SYNPO2: variants seen among roughly 807,000 people sequenced by gnomAD.
The protein encoded by SYNPO2 is synaptopodin-2.
In SYNPO2, 56 loss-of-function variants were observed where a neutral mutation model predicts 85.0. The observed-to-expected ratio is 0.66, with a 90% CI of 0.53 to 0.82. The LOEUF is 0.82. SYNPO2 is among the 40% of genes least tolerant of loss of function. SYNPO2 has a pLI of 0.00. For missense variants in SYNPO2, 1,575 were observed against 1,534.2 expected (o/e 1.03, Z -0.44); for synonymous variants, 602 against 591.1 (o/e 1.02, Z -0.27).
rs991659950 is a variant in SYNPO2 at position 119,029,293 on chromosome 4, G to A, written c.1070-552G>A. Among the ~76,000 whole-genome samples the A allele has an allele frequency of 9.9e-5, 15 of 150,866 alleles. 1 individual carries two copies. The highest frequency in any genetic ancestry group is 1.3e-4 in the Non-Finnish European group (9 of 67,714). On this transcript the variant is annotated intron_variant, in intron 3 of 4. Coordinates refer to ENST00000307142, the MANE Select transcript of SYNPO2 (RefSeq NM_133477.3). ...TGGAAAGATTTGGGGTGGTTGTCAG[G>A]GTAAAAAAAGAAAAAAGAGAAAGAA... is the stretch of plus-strand genomic sequence containing the variant.
chr4:119,007,378 T>C (rs1296281577), intron 1 of SYNPO2, among the ~76,000 whole-genome samples: 1 of 143,108 alleles, frequency 7.0e-6, no homozygotes, highest in Non-Finnish European at 1.5e-5. Flanking sequence ...AAAAAGATCA[T>C]CCTGAAATGT....
chr4:119,040,428 T>C (rs368236284), intron 4 of SYNPO2, among the ~76,000 whole-genome samples: 1 of 152,242 alleles, frequency 6.6e-6, no homozygotes, highest in Admixed American at 6.5e-5. Flanking sequence ...CATTCCTCTG[T>C]ATTCAGCCTG....
chr4:118,973,462 G>A (rs545627653), intron 1 of SYNPO2, among the ~76,000 whole-genome samples: 1 of 151,928 alleles, frequency 6.6e-6, no homozygotes, highest in Non-Finnish European at 1.5e-5. Context: ...GGCAGTTTTC[G>A]TTTCTGTGAT....
intron 1 of SYNPO2, among the ~76,000 whole-genome samples, chr4:118,899,670 T>G (rs540334191): frequency 6.6e-6 from 1 of 152,372 alleles, no homozygotes; most frequent in African/African-American, 2.4e-5. Context: ...ATTTTCATTT[T>G]CTCTGATGTC....
chr4:118,968,134 C>T (rs1303129610), intron 1 of SYNPO2, among the ~76,000 whole-genome samples: 1 of 152,116 alleles, frequency 6.6e-6, no homozygotes, highest in East Asian at 1.9e-4. Flanking sequence ...TGAAAAACCA[C>T]AAGATGTAGA....
intron 1 of SYNPO2, among the ~76,000 whole-genome samples, chr4:118,879,107 C>G (rs931444280): frequency 6.6e-6 from 1 of 152,124 alleles, no homozygotes; most frequent in East Asian, 1.9e-4. Context: ...CTGAAGTGAA[C>G]AAGACCACAG....
chr4:118,868,464 A>G (rs1444651883), intron 1 of SYNPO2, among the ~76,000 whole-genome samples: 1 of 152,176 alleles, frequency 6.6e-6, no homozygotes, highest in Non-Finnish European at 1.5e-5. Flanking sequence ...AGAACAGATT[A>G]CTTTTTCAAA....
intron 1 of SYNPO2, among the ~76,000 whole-genome samples, chr4:118,952,001 A>C (rs1734716918): frequency 6.6e-6 from 1 of 152,186 alleles, no homozygotes; most frequent in Non-Finnish European, 1.5e-5. Flanking sequence ...CTTAAAAGGG[A>C]CTGACCTGAG....
Position 119,030,878 on chromosome 4 carries a change from G to T in SYNPO2, c.2103G>T (p.Glu701Asp). 2.5e-6 allele frequency: 4 copies of T among 1,614,182 alleles called. No individual in the cohort carries two copies. Among genetic ancestry groups the T allele is most frequent in the Admixed American group, 1.7e-5 (1 of 60,026 alleles). ...STTKPMFTFKEPKVSPNPELL... is the reference protein window; with the variant it reads ...STTKPMFTFKDPKVSPNPELL... ...CAAAACCCATGTTTACTTTTAAAGA[G>T]CCCAAAGTAAGCCCAAATCCTGAAC... Residue 701 changes from glutamate to aspartate, a missense_variant, in exon 4 of 5, where the codon GAG becomes GAT. Physicochemically the swap from Glu to Asp is conservative, Grantham distance 45 (BLOSUM62 2). This residue lies in a region of SYNPO2 where 1,508 missense variants were observed against 1,446.8 expected (regional missense o/e 1.04). Transcript: ENST00000307142.
In SYNPO2 at chr4:119,029,945, C is replaced by T. The variant is rs745413267; in HGVS notation, c.1170C>T (p.Asn390=). The T allele has an allele frequency of 1.2e-6, 2 of 1,613,976 alleles. No individual in the cohort carries two copies. The highest frequency in any genetic ancestry group is 1.1e-5 in the South Asian group (1 of 91,068). Residue 390 remains asparagine (N), a synonymous_variant, in exon 4 of 5, where the codon AAC becomes AAT. Transcript: ENST00000307142. ...ALLLTDAPNP[N]SKGVLMFKKR... is the part of the protein sequence containing the mutation. Reference sequence around the variant, plus strand: ...TTCTAACGGATGCTCCCAACCCCAACTCCAAGGGGGTGTTGATGTTTAAGA... The same window carrying T: ...TTCTAACGGATGCTCCCAACCCCAATTCCAAGGGGGTGTTGATGTTTAAGA...
chr4:118,939,289 G>C (rs1339294772), intron 1 of SYNPO2, among the ~76,000 whole-genome samples: 2 of 152,130 alleles, frequency 1.3e-5, no homozygotes, highest in Non-Finnish European at 2.9e-5. Flanking sequence ...TTTTGAGTGA[G>C]CTTTATTTTA....
At chr4:118,969,486 T>G (rs1426812432) in intron 1 of SYNPO2, among the ~76,000 whole-genome samples, 1 of 151,720 alleles carries the variant, frequency 6.6e-6, no homozygotes, top group Non-Finnish European at 1.5e-5. Context: ...CCTCTGCTGC[T>G]CTGAGGAGGT....
upstream of SYNPO2, among the ~76,000 whole-genome samples, chr4:118,887,166 AGTGTGTGTGTGT>A (rs71595329): frequency 0.039 from 5,363 of 139,130 alleles, 152 homozygotes; most frequent in Non-Finnish European, 0.049. Context: ...CATCTGAGTG[AGTGTGTGTGTGT>A]GTGTGTGTGT....
intron 1 of SYNPO2, among the ~76,000 whole-genome samples, chr4:119,012,814 G>T (rs1032893761): frequency 3.9e-5 from 6 of 152,114 alleles, no homozygotes; most frequent in African/African-American, 1.4e-4. Flanking sequence ...CACTTGGGTT[G>T]GTTCCAAGTC....
At chr4:118,882,155 C>T (rs1184567941) in intron 1 of SYNPO2, among the ~76,000 whole-genome samples, 7 of 152,190 alleles carry the variant, frequency 4.6e-5, no homozygotes, top group East Asian at 1.9e-4. Context: ...TTATTGTTGT[C>T]GGTCACTTTT....
At chr4:118,950,307 A>G (rs1427517400) in intron 1 of SYNPO2, among the ~76,000 whole-genome samples, 1 of 152,212 alleles carries the variant, frequency 6.6e-6, no homozygotes, top group African/African-American at 2.4e-5. Flanking sequence ...CGAGGCCAAC[A>G]GATCAGGAGA....
At position 118,889,088 on chromosome 4, in the gene SYNPO2, G is replaced by A; in HGVS notation, c.52G>A (p.Gly18Arg). ...CISMTGGAPW[G>R]FRLQGGKEQK... ...TTCCATGACTGGAGGGGCGCCCTGGGGGTTCAGATTGCAAGGTGGCAAGGA... is the reference window on the plus strand; with the variant it reads ...TTCCATGACTGGAGGGGCGCCCTGGAGGTTCAGATTGCAAGGTGGCAAGGA... The change falls in exon 1 of 5, where the codon GGG becomes AGG. Residue 18 changes from glycine (G) to arginine (R), a missense_variant. Physicochemically the swap from Gly to Arg is moderately radical, Grantham distance 125. Coordinates refer to ENST00000307142, the MANE Select transcript of SYNPO2 (RefSeq NM_133477.3). The A allele has an allele frequency of 1.9e-6, 3 of 1,614,182 alleles. No homozygotes were observed. The highest frequency in any genetic ancestry group is 2.5e-6 in the Non-Finnish European group (3 of 1,180,036).
chr4:119,026,933 A>G lies in SYNPO2; in HGVS notation c.564A>G (p.Val188=), dbSNP rs1256318555. The stretch of plus-strand genomic sequence containing the variant: ...AAGAGCTGATCTTAAGGGAGAAGGT[A>G]GAAGCGGTACAGCCTGGGCCTGTGG... ...VAEELILREK[V]EAVQPGPVVE... Residue 188 remains valine, a synonymous_variant, in exon 3 of 5, where the codon GTA becomes GTG. Coordinates refer to ENST00000307142, the MANE Select transcript of SYNPO2 (RefSeq NM_133477.3). 1 of 1,614,212 alleles carries G rather than the reference A, an allele frequency of 6.2e-7. No homozygotes were observed. The highest frequency in any genetic ancestry group is 1.7e-5 in the Admixed American group (1 of 60,026).
intron 4 of SYNPO2, chr4:119,032,426 G>T (rs1008917239): frequency 2.7e-6 from 3 of 1,114,320 alleles, no homozygotes; most frequent in Non-Finnish European, 3.3e-6. Context: ...TATGGTGAAA[G>T]GTTCAAATGT....
Sources: gnomAD v4.1 joint callset for allele counts (sites outside exome capture counted in the v4.1 genomes callset) on GRCh38, gnomAD v4.1.1 for gene constraint, gnomAD v4.1.1 regional missense constraint, MANE v1.5 for transcripts, NCBI Gene and HGNC (gene_info 2026-07-23, HGNC 2026-07-21) for gene names.